DMD: variants seen among roughly 807,000 people sequenced by gnomAD.
DMD encodes the protein mutant dystrophin.
A neutral mutation model predicts 330.1 loss-of-function variants in DMD; 63 were observed. That is an observed-to-expected ratio of 0.19 (90% confidence interval 0.16 to 0.24). DMD has a LOEUF of 0.24. DMD is among the 10% of genes least tolerant of loss of function. The probability of loss-of-function intolerance (pLI) is 1.00; values close to 1 mark genes in which losing one functional copy is unlikely to be tolerated. For missense variants in DMD, 3,344 were observed against 2,684.1 expected, an observed-to-expected ratio of 1.25 and a Z score of -5.43; for synonymous variants, 1,223 against 959.8, an observed-to-expected ratio of 1.27 and a Z score of -5.07.
At chrX:33,017,936 A>G (rs753974403) in intron 2 of DMD, among the ~76,000 whole-genome samples, 2 of 112,405 alleles carry the variant, frequency 1.8e-5, no homozygotes, top group South Asian at 3.7e-4. Context: ...TGATATATAT[A>G]TCACAATTAT....
intron 36 of DMD, among the ~76,000 whole-genome samples, chrX:32,363,170 G>A (rs547862273): frequency 4.5e-5 from 5 of 111,649 alleles, no homozygotes; most frequent in South Asian, 3.8e-4. Context: ...ATGAAAATGC[G>A]TGTGATTTCA....
At chrX:32,725,307 TTATC>T (rs1465575990) in intron 7 of DMD, among the ~76,000 whole-genome samples, 1 of 111,098 alleles carries the variant, frequency 9.0e-6, no homozygotes, top group African/African-American at 3.3e-5. Context: ...TTATGAAATT[TTATC>T]TATAATATTG....
At chrX:32,090,763 GT>G (rs112000454) in intron 44 of DMD, among the ~76,000 whole-genome samples, 3 of 107,383 alleles carry the variant, frequency 2.8e-5, no homozygotes, top group African/African-American at 1.0e-4. Flanking sequence ...TGAATTTTGG[GT>G]TTTTTTTTTC....
At chrX:31,349,940 G>A (rs1452074360) in intron 60 of DMD, among the ~76,000 whole-genome samples, 3 of 111,202 alleles carry the variant, frequency 2.7e-5, no homozygotes, top group Admixed American at 1.9e-4. Context: ...AACCAACTCT[G>A]GCCTTCCAAT....
chrX:31,673,332 G>T (rs760873735), intron 53 of DMD, among the ~76,000 whole-genome samples: 4 of 112,323 alleles, frequency 3.6e-5, no homozygotes, highest in Middle Eastern at 4.6e-3. Context: ...GGCGATGTGG[G>T]GCCAGGCATG....
chrX:31,222,561 A>AT (rs1416025471), intron 64 of DMD, among the ~76,000 whole-genome samples: 1 of 111,391 alleles, frequency 9.0e-6, no homozygotes, highest in Non-Finnish European at 1.9e-5. Flanking sequence ...CCACAGATGT[A>AT]TGATAAAAAA....
intron 74 of DMD, among the ~76,000 whole-genome samples, chrX:31,157,179 T>G (rs2038236487): frequency 8.9e-6 from 1 of 112,067 alleles, no homozygotes; most frequent in African/African-American, 3.2e-5. Flanking sequence ...ATTTTCTGGA[T>G]ATGTCATTGA....
chrX:31,564,463 G>A (rs2075364925), intron 55 of DMD, among the ~76,000 whole-genome samples: 1 of 111,626 alleles, frequency 9.0e-6, no homozygotes, highest in Non-Finnish European at 1.9e-5. Context: ...CATATCTCCT[G>A]AAGGATATAC....
intron 52 of DMD, among the ~76,000 whole-genome samples, chrX:31,690,066 C>T (rs1314080847): frequency 8.9e-6 from 1 of 111,903 alleles, no homozygotes; most frequent in Non-Finnish European, 1.9e-5. Context: ...TGGGCAAGGA[C>T]TTCATGTCTA....
chrX:33,005,263 TACACACACACAAACACAC>T (rs1393949268), intron 2 of DMD, among the ~76,000 whole-genome samples: 3 of 75,796 alleles, frequency 4.0e-5, no homozygotes, highest in Non-Finnish European at 8.7e-5. Context: ...TTTTGGACTT[TACACACACACAAACACAC>T]ACACACACAC....
rs745567785 is a variant in DMD at position 31,136,589 on chromosome X, C to T, written c.10922-2395G>A. Among the ~76,000 whole-genome samples, 12 of 112,019 alleles carry T rather than the reference C, an allele frequency of 1.1e-4. No homozygotes were observed. The South Asian group carries it at 3.4e-3, about 32-fold the overall frequency. ...ATCAGAACCAAGAGAACATCATGAA[C>T]GACGCTCATGAACATCGATGTTAAT... On this transcript the variant is annotated intron_variant, in intron 76 of 78. Transcript: ENST00000357033.
intron 61 of DMD, among the ~76,000 whole-genome samples, chrX:31,334,626 A>C (rs1296434896): frequency 8.9e-6 from 1 of 112,021 alleles, no homozygotes; most frequent in Non-Finnish European, 1.9e-5. Flanking sequence ...TTTTGTTAAT[A>C]AATATAGGAA....
At chrX:32,259,546 ATAT>A (rs1018615028) in intron 43 of DMD, among the ~76,000 whole-genome samples, 2 of 105,579 alleles carry the variant, frequency 1.9e-5, no homozygotes, top group Non-Finnish European at 4.0e-5. Flanking sequence ...ATGGGATTTG[ATAT>A]TATTATATTA....
rs1418122510 is a variant in DMD at position 32,908,334 on chromosome X, G to C, written c.94-58514C>G. 3.6e-5 allele frequency among the ~76,000 whole-genome samples: 4 copies of C among 111,750 alleles called. No individual in the cohort carries two copies. In the East Asian group the frequency reaches 1.1e-3, roughly 31 times the overall value. ...AATATCAGCCATCATATGGCTTGTA[G>C]TCTTCCAAATTTCTGGCCTACTTTT... On this transcript the variant is annotated intron_variant, in intron 2 of 78. Coordinates refer to ENST00000357033, the MANE Select transcript of DMD (RefSeq NM_004006.3).
At chrX:31,751,143 CTACTT>C (rs1336316863) in intron 51 of DMD, among the ~76,000 whole-genome samples, 4 of 108,327 alleles carry the variant, frequency 3.7e-5, no homozygotes, top group Non-Finnish European at 7.7e-5. Context: ...TTGGAAAAAA[CTACTT>C]TAAAGTTCAT....
chrX:32,654,181 C>A (rs983987985), intron 9 of DMD, among the ~76,000 whole-genome samples: 1 of 111,318 alleles, frequency 9.0e-6, no homozygotes, highest in African/African-American at 3.3e-5. Context: ...GAACTTCCAA[C>A]ACTATGTTGA....
intron 7 of DMD, among the ~76,000 whole-genome samples, chrX:32,786,188 T>C (rs2075346480): frequency 9.1e-6 from 1 of 110,276 alleles, no homozygotes; most frequent in Non-Finnish European, 1.9e-5. Flanking sequence ...CCCAACTGAT[T>C]CTATACAGAA....
At chrX:32,406,256 C>T (rs1042635651) in intron 30 of DMD, among the ~76,000 whole-genome samples, 1 of 111,260 alleles carries the variant, frequency 9.0e-6, no homozygotes, top group Non-Finnish European at 1.9e-5. Context: ...CCTTCTCCTG[C>T]CTAATTGCCC....
intron 60 of DMD, among the ~76,000 whole-genome samples, chrX:31,360,636 A>G (rs2058889580): frequency 8.9e-6 from 1 of 112,441 alleles, no homozygotes; most frequent in Non-Finnish European, 1.9e-5. Flanking sequence ...AGGAAGCCTC[A>G]GACTCTCACC....
Sources: gnomAD v4.1 joint callset for allele counts (sites outside exome capture counted in the v4.1 genomes callset) on GRCh38, gnomAD v4.1.1 for gene constraint, MANE v1.5 for transcripts, NCBI Gene and HGNC (gene_info 2026-07-23, HGNC 2026-07-21) for gene names.